Variants in FSD1L observed in about 807,000 individuals in gnomAD.
The protein encoded by FSD1L is fibronectin type III and SPRY domain containing 1 like, also known as FSD1-like protein.
A neutral mutation model predicts 71.6 loss-of-function variants in FSD1L; 45 were observed. The ratio of observed to expected loss-of-function variants is 0.63; its 90% confidence interval spans 0.49 to 0.81. The LOEUF (loss-of-function observed/expected upper bound fraction) is 0.81. Ranked by LOEUF, FSD1L falls within the 30% of genes least tolerant of loss-of-function variation. The pLI is 0.00. For missense variants in FSD1L, 561 were observed against 618.1 expected, an observed-to-expected ratio of 0.91 and a Z score of 0.98; for synonymous variants, 197 against 207.2, an observed-to-expected ratio of 0.95 and a Z score of 0.42.
chr9:105,478,988 G>A (rs980540752), intron 5 of FSD1L, among the ~76,000 whole-genome samples: 1 of 152,212 alleles, frequency 6.6e-6, no homozygotes, highest in South Asian at 2.1e-4. Flanking sequence ...CATGAAGGAA[G>A]TTGTCCCATG....
chr9:105,531,788 A>G (rs1031133402), intron 10 of FSD1L, among the ~76,000 whole-genome samples: 2 of 152,200 alleles, frequency 1.3e-5, no homozygotes, highest in Non-Finnish European at 2.9e-5. Context: ...TTGGAGAATA[A>G]CTGTCAACCA....
At chr9:105,470,917 A>G (rs1831413923) in intron 4 of FSD1L, among the ~76,000 whole-genome samples, 1 of 152,250 alleles carries the variant, frequency 6.6e-6, no homozygotes, top group South Asian at 2.1e-4. Context: ...CTGAAAACTC[A>G]TCCTGTGCAG....
At chr9:105,495,921 G>A (rs1403624441) in intron 7 of FSD1L, among the ~76,000 whole-genome samples, 3 of 150,828 alleles carry the variant, frequency 2.0e-5, no homozygotes, top group African/African-American at 4.9e-5. Context: ...GCAGTGAGCC[G>A]AGATTGCACC....
intron 2 of FSD1L, among the ~76,000 whole-genome samples, chr9:105,462,224 T>G (rs1830748537): frequency 6.6e-6 from 1 of 151,314 alleles, no homozygotes; most frequent in South Asian, 2.1e-4. Flanking sequence ...GTTTTGTTTT[T>G]TTTTTTTTTG....
intron 5 of FSD1L, among the ~76,000 whole-genome samples, chr9:105,476,346 A>G (rs1831801613): frequency 6.6e-6 from 1 of 152,144 alleles, no homozygotes; most frequent in African/African-American, 2.4e-5. Context: ...ACTAAATCTT[A>G]CAATTCCATT....
At position 105,471,962 on chromosome 9, in the gene FSD1L, C is replaced by T. The variant is rs1831505008; in HGVS notation, c.398C>T (p.Ala133Val). The T allele has an allele frequency of 7.0e-7, 1 of 1,431,984 alleles. No homozygotes were observed. Among genetic ancestry groups the T allele is most frequent in the Non-Finnish European group, 9.1e-7 (1 of 1,094,982 alleles). The allele number at this position is 1,431,984 out of a possible 1,614,324, so 88.7% of individuals were successfully genotyped here. Residue 133 changes from alanine (A) to valine (V), a missense_variant, in exon 5 of 14, where the codon GCA (alanine) becomes GTA (valine). By Grantham distance (64) the Ala-to-Val change is moderately conservative (BLOSUM62 0). Around this residue, in one of 3 missense-constraint regions of FSD1L, gnomAD observed 410 missense variants for 413.5 expected, o/e 0.99. Coordinates refer to ENST00000481272, the MANE Select transcript of FSD1L (RefSeq NM_001145313.3). ...LENSEELLEFATRSLDIKEPE... is the reference protein window; with the variant it reads ...LENSEELLEFVTRSLDIKEPE... ...AACTCTGAAGAACTATTAGAATTTG[C>T]AACAAGGTCATTAGATATAAAGGAA...
At chr9:105,495,022 C>T (rs1193971039) in intron 7 of FSD1L, among the ~76,000 whole-genome samples, 2 of 152,152 alleles carry the variant, frequency 1.3e-5, no homozygotes, top group African/African-American at 4.8e-5. Context: ...AGAGCCACTG[C>T]TCTCTTCAAA....
At chr9:105,545,476 G>C (rs1183636521) in intron 13 of FSD1L, among the ~76,000 whole-genome samples, 3 of 147,512 alleles carry the variant, frequency 2.0e-5, no homozygotes, top group Non-Finnish European at 4.4e-5. Flanking sequence ...TAGGAGTGGT[G>C]AGAGAGGGCA....
chr9:105,480,455 C>T (rs1832097184), intron 6 of FSD1L, among the ~76,000 whole-genome samples: 1 of 152,100 alleles, frequency 6.6e-6, no homozygotes, highest in Admixed American at 6.5e-5. Context: ...CCACACCCAG[C>T]TAATTTTTGT....
chr9:105,508,178 T>C (rs1034537093), intron 8 of FSD1L, among the ~76,000 whole-genome samples: 4 of 144,290 alleles, frequency 2.8e-5, no homozygotes, highest in African/African-American at 1.0e-4. Flanking sequence ...ATCACTCTTT[T>C]TTTTTTTTTT....
chr9:105,468,070 T>C, intron 3 of FSD1L, 123 bp from the exon 4 acceptor site: 2 of 663,938 alleles, frequency 3.0e-6, no homozygotes, highest in Non-Finnish European at 2.2e-6. Flanking sequence ...AGAATTATGT[T>C]ATTTTTATAT....
At chr9:105,533,414 A>ATTTTTTTT (rs1271918066) in intron 10 of FSD1L, among the ~76,000 whole-genome samples, 5 of 13,372 alleles carry the variant, frequency 3.7e-4, no homozygotes, top group Admixed American at 9.4e-4. Flanking sequence ...TGCCATTTCC[A>ATTTTTTTT]TCTTTTTTTT....
intron 10 of FSD1L, chr9:105,521,275 CTAGTT>C: frequency 1.9e-6 from 3 of 1,614,188 alleles, no homozygotes; most frequent in Non-Finnish European, 1.7e-6. Context: ...AGAGCAGCTG[CTAGTT>C]TAGTATCCAG....
rs1416481228 is a variant in FSD1L, at chr9:105,506,455, A to G, written c.643A>G (p.Thr215Ala). ...GTGTTTGGTGGCAGATAACTCTGTA[A>G]CAGTGGCTTGGAGAATGCCAGAAGA... ...VECLVADNSVTVAWRMPEEDN... is the reference protein window; with the variant it reads ...VECLVADNSVAVAWRMPEEDN... Residue 215 changes from threonine (T) to alanine (A), a missense_variant, in exon 8 of 14, where the codon ACA becomes GCA. By Grantham distance (58) the Thr-to-Ala change is moderately conservative. Coordinates refer to ENST00000481272, the MANE Select transcript of FSD1L (RefSeq NM_001145313.3). 1.3e-6 allele frequency: 2 copies of G among 1,551,710 alleles called. No homozygotes were observed. Among genetic ancestry groups the G allele is most frequent in the Non-Finnish European group, 1.7e-6 (2 of 1,147,006 alleles).
At chr9:105,455,774 T>G (rs1362968328) in intron 1 of FSD1L, among the ~76,000 whole-genome samples, 1 of 152,218 alleles carries the variant, frequency 6.6e-6, no homozygotes, top group East Asian at 1.9e-4. Flanking sequence ...ATTTGATGAT[T>G]AAAAAGTTAC....
intron 1 of FSD1L, among the ~76,000 whole-genome samples, chr9:105,449,187 A>G (rs1829830371): frequency 6.6e-6 from 1 of 152,244 alleles, no homozygotes. Context: ...AACGTTTTCT[A>G]CAATTTTGTC....
intron 7 of FSD1L, among the ~76,000 whole-genome samples, chr9:105,489,953 T>C (rs933339627): frequency 4.6e-5 from 7 of 152,094 alleles, no homozygotes; most frequent in Middle Eastern, 3.2e-3. Flanking sequence ...TGAATAGTGC[T>C]GCAATAAACA....
chr9:105,524,110 C>G, intron 10 of FSD1L: 1 of 1,612,178 alleles, frequency 6.2e-7, no homozygotes, highest in Non-Finnish European at 8.5e-7. Flanking sequence ...GATGAGCCCT[C>G]TGGTCCTGCA....
chr9:105,480,821 A>C (rs1474095889), intron 6 of FSD1L, among the ~76,000 whole-genome samples: 1 of 152,124 alleles, frequency 6.6e-6, no homozygotes, highest in African/African-American at 2.4e-5. Context: ...GGTATATTAT[A>C]CTTACTGTTT....
Sources: allele counts gnomAD v4.1 joint callset (sites outside exome capture counted in the v4.1 genomes callset), GRCh38; gene constraint gnomAD v4.1.1; regional missense constraint gnomAD v4.1.1; transcripts MANE v1.5; gene names NCBI Gene and HGNC (gene_info 2026-07-23, HGNC 2026-07-21).